The following TMEM120B variants were observed in gnomAD, a reference collection of about 807,000 sequenced individuals.
The protein encoded by TMEM120B is transmembrane protein 120B.
TMEM120B carries 31 observed loss-of-function variants against 55.5 expected under a neutral mutation model. The ratio of observed to expected loss-of-function variants is 0.56; its 90% CI spans 0.42 to 0.75. The LOEUF (loss-of-function observed/expected upper bound fraction) is 0.75, where lower values mean the gene tolerates loss of function less well. TMEM120B is among the 30% of genes least tolerant of loss of function. TMEM120B has a pLI of 0.00. For synonymous variants in TMEM120B, 203 were observed against 176.3 expected, an observed-to-expected ratio of 1.15 and a Z score of -1.20; for missense variants, 399 against 425.5, an observed-to-expected ratio of 0.94 and a Z score of 0.55.
chr12:121,714,507 A>G (rs1410916073), intron 1 of TMEM120B, among the ~76,000 whole-genome samples: 1 of 150,276 alleles, frequency 6.7e-6, no homozygotes, highest in African/African-American at 2.5e-5. Context: ...CGGCCTCCCA[A>G]AGTGCTGAGA....
At chr12:121,720,059 C>G (rs548946079) in intron 1 of TMEM120B, among the ~76,000 whole-genome samples, 1 of 152,264 alleles carries the variant, frequency 6.6e-6, no homozygotes, top group African/African-American at 2.4e-5. Flanking sequence ...CTGCATGCAC[C>G]TCATCTCCTA....
chr12:121,719,193 C>T (rs529140648), intron 1 of TMEM120B, among the ~76,000 whole-genome samples: 1 of 151,632 alleles, frequency 6.6e-6, no homozygotes, highest in East Asian at 1.9e-4. Context: ...CTACATGAAA[C>T]GAGTTGGGGA....
chr12:121,775,867 T>C lies in TMEM120B; in HGVS notation c.*145T>C, dbSNP rs774361281. ...AGTGGACCCCAGTGGTCTAGAGGAA[T>C]GTGAGCCCCGCCTGTCCGCACAGTG... is the stretch of plus-strand genomic sequence containing the variant. On this transcript the variant is annotated 3_prime_UTR_variant, in exon 12 of 12. Transcript: ENST00000449592. The surrounding 1 kb of genome is among the most constrained non-coding windows in gnomAD (Gnocchi z 4.3). 2 of 824,636 alleles carry C rather than the reference T, an allele frequency of 2.4e-6. No individual in the cohort carries two copies. Among genetic ancestry groups the C allele is most frequent in the South Asian group, 2.9e-5 (2 of 69,426 alleles). The allele number at this position is 824,636 out of a possible 1,614,324, so 51.1% of individuals were successfully genotyped here.
At chr12:121,731,525 G>T (rs550055318) in intron 1 of TMEM120B, among the ~76,000 whole-genome samples, 1 of 152,296 alleles carries the variant, frequency 6.6e-6, no homozygotes, top group Admixed American at 6.5e-5. Flanking sequence ...GATACATTTA[G>T]ATACATGAAT....
chr12:121,727,314 T>C (rs183213028), intron 1 of TMEM120B, among the ~76,000 whole-genome samples: 3 of 151,856 alleles, frequency 2.0e-5, no homozygotes, highest in East Asian at 1.9e-4. Context: ...GGCAAGAGGA[T>C]TGCTTGAACC....
chr12:121,775,503 A>C lies in TMEM120B; in HGVS notation c.907-106A>C, dbSNP rs976237086. ...TCTGCCTTCGATGGCAAAACCCTGC[A>C]GTTTGGGAGTTTGGGGGCAGCTGTG... On this transcript the variant is annotated intron_variant, in intron 11 of 11. Coordinates refer to ENST00000449592, the MANE Select transcript of TMEM120B (RefSeq NM_001080825.2). The surrounding 1 kb of genome is among the most constrained non-coding windows in gnomAD (Gnocchi z 4.3). The C allele has an allele frequency of 2.2e-5, 33 of 1,483,056 alleles. No homozygotes were observed. The highest frequency in any genetic ancestry group is 2.8e-5 in the Non-Finnish European group (31 of 1,121,150). The allele number at this position is 1,483,056 out of a possible 1,614,324, so 91.9% of individuals were successfully genotyped here.
intron 1 of TMEM120B, among the ~76,000 whole-genome samples, chr12:121,725,834 C>T (rs756121741): frequency 1.3e-5 from 2 of 151,854 alleles, no homozygotes; most frequent in Admixed American, 6.6e-5. Context: ...GTCAGGGGTT[C>T]GAGACCAGCC....
chr12:121,766,213 G>A (rs1873843264), intron 6 of TMEM120B, among the ~76,000 whole-genome samples: 1 of 152,200 alleles, frequency 6.6e-6, no homozygotes, highest in African/African-American at 2.4e-5. Flanking sequence ...TAGGGGTGGG[G>A]ACTTCCTCAT....
rs184342262 is a variant in TMEM120B at position 121,741,386 on chromosome 12, A to G, written c.70-2243A>G. On this transcript the variant is annotated intron_variant, in intron 1 of 11. Coordinates refer to ENST00000449592, the MANE Select transcript of TMEM120B (RefSeq NM_001080825.2). ...CTCTTGTTGCCCAAGCTGGAGTGCAATGGCGCGATCTCGGCTCACCACAAC... is the reference window on the plus strand; with the variant it reads ...CTCTTGTTGCCCAAGCTGGAGTGCAGTGGCGCGATCTCGGCTCACCACAAC... 5.3e-5 allele frequency among the ~76,000 whole-genome samples: 8 copies of G among 152,266 alleles called. No individual in the cohort carries two copies. In the East Asian group the frequency reaches 9.7e-4, roughly 18 times the overall value.
At position 121,781,257 on chromosome 12, in the gene TMEM120B, G is replaced by A; in HGVS notation, c.*5535G>A. 8.8e-6 allele frequency: 13 copies of A among 1,470,714 alleles called. No individual in the cohort carries two copies. Among genetic ancestry groups the A allele is most frequent in the Non-Finnish European group, 1.1e-5 (12 of 1,057,048 alleles). The allele number at this position is 1,470,714 out of a possible 1,614,324, so 91.1% of individuals were successfully genotyped here. Reference sequence around the variant, plus strand: ...CCCTGTCTGGACTCTGACGGGTGAAGGGGAAGGGGCCAGGCAAGTGACCCT... The same window carrying A: ...CCCTGTCTGGACTCTGACGGGTGAAAGGGAAGGGGCCAGGCAAGTGACCCT... On this transcript the variant is annotated 3_prime_UTR_variant, in exon 12 of 12. Transcript: ENST00000449592.
In TMEM120B at chr12:121,781,297, A is replaced by G. The variant is rs1874448845; in HGVS notation, c.*5575A>G. Reference sequence around the variant, plus strand: ...CAAGTGACCCTGCCTTAGGGCCTCAATTTCCTCATCTATACAATGGGCAGC... The same window carrying G: ...CAAGTGACCCTGCCTTAGGGCCTCAGTTTCCTCATCTATACAATGGGCAGC... On this transcript the variant is annotated 3_prime_UTR_variant, in exon 12 of 12. Coordinates refer to ENST00000449592, the MANE Select transcript of TMEM120B (RefSeq NM_001080825.2). The G allele has an allele frequency of 8.4e-6, 8 of 954,900 alleles. No individual in the cohort carries two copies. The South Asian group carries it at 1.1e-4, about 13-fold the overall frequency. 59.2% of individuals were successfully genotyped at this position (954,900 alleles called of 1,614,324 possible).
intron 1 of TMEM120B, among the ~76,000 whole-genome samples, chr12:121,714,029 C>T (rs1231201488): frequency 6.6e-6 from 1 of 152,032 alleles, no homozygotes; most frequent in Non-Finnish European, 1.5e-5. Context: ...TCTTTCTAGA[C>T]ACGTGGTTGT....
chr12:121,751,917 G>C (rs187706039), intron 4 of TMEM120B, among the ~76,000 whole-genome samples: 1 of 152,310 alleles, frequency 6.6e-6, no homozygotes, highest in Admixed American at 6.5e-5. Flanking sequence ...CCAGAGTCCA[G>C]GGACATGGGC....
chr12:121,726,035 CAA>C (rs35523686), intron 1 of TMEM120B, among the ~76,000 whole-genome samples: 1 of 126,734 alleles, frequency 7.9e-6, no homozygotes. Context: ...GACTCTGTCT[CAA>C]AAAAAAAAAA....
At chr12:121,767,704 G>GGGGTGTGCA (rs1178912616) in intron 6 of TMEM120B, among the ~76,000 whole-genome samples, 5 of 152,184 alleles carry the variant, frequency 3.3e-5, no homozygotes, top group African/African-American at 1.2e-4. Flanking sequence ...CCAGAGCCCC[G>GGGGTGTGCA]GGGTGTGCAG....
intron 1 of TMEM120B, among the ~76,000 whole-genome samples, chr12:121,713,540 A>G (rs1488825389): frequency 6.6e-6 from 1 of 152,170 alleles, no homozygotes; most frequent in Non-Finnish European, 1.5e-5. Context: ...CGTGGAGAGC[A>G]TCTGTCAGTT....
chr12:121,713,076 C>T (rs548977908), intron 1 of TMEM120B, 112 bp downstream of exon 1: 3 of 848,932 alleles, frequency 3.5e-6, no homozygotes, highest in African/African-American at 1.8e-5. Context: ...GGGAGTGCCC[C>T]GGAGAGGCCC....
At chr12:121,743,891 A>G in intron 2 of TMEM120B, 144 bp downstream of exon 2, 6 of 629,480 alleles carry the variant, frequency 9.5e-6, no homozygotes, top group Non-Finnish European at 1.7e-5. Flanking sequence ...CCAGGAGTCA[A>G]AGGGTGTTTT....
intron 5 of TMEM120B, among the ~76,000 whole-genome samples, chr12:121,760,881 TTAAA>T (rs1873655406): frequency 6.6e-6 from 1 of 152,180 alleles, no homozygotes; most frequent in African/African-American, 2.4e-5. Context: ...ATTTTTTGTA[TTAAA>T]TACATGTAAC....
Sources: gnomAD v4.1 joint callset for allele counts (sites outside exome capture counted in the v4.1 genomes callset) on GRCh38, gnomAD v4.1.1 for gene constraint, Gnocchi (gnomAD v3.1) non-coding constraint, MANE v1.5 for transcripts, NCBI Gene and HGNC (gene_info 2026-07-23, HGNC 2026-07-21) for gene names.